The following GLMN variants were observed in gnomAD, a reference collection of about 807,000 sequenced individuals.
GLMN encodes glomulin.
GLMN carries 75 observed loss-of-function variants against 87.8 expected under a neutral mutation model. The ratio of observed to expected loss-of-function variants is 0.85; its 90% confidence interval spans 0.71 to 1.04. The LOEUF (loss-of-function observed/expected upper bound fraction) is 1.04. GLMN is among the 50% of genes least tolerant of loss of function. The pLI is 0.00. For synonymous variants in GLMN, 206 were observed against 221.6 expected, an observed-to-expected ratio of 0.93 and a Z score of 0.63; for missense variants, 588 against 658.8, an observed-to-expected ratio of 0.89 and a Z score of 1.18.
the GLMN span, among the ~76,000 whole-genome samples, chr1:92,365,573 T>C: frequency 6.6e-6 from 1 of 152,192 alleles, no homozygotes; most frequent in Non-Finnish European, 1.5e-5. Context: ...ATCAGTTGAC[T>C]TAGCTGCATA....
intron 7 of GLMN, among the ~76,000 whole-genome samples, chr1:92,280,399 AAC>A (rs1647882772): frequency 6.6e-6 from 1 of 152,208 alleles, no homozygotes; most frequent in Non-Finnish European, 1.5e-5. Context: ...AAAACTAACA[AAC>A]AGAAAGGAAT....
At chr1:92,249,160 GTA>G (rs1653095207) in intron 16 of GLMN, among the ~76,000 whole-genome samples, 1 of 151,464 alleles carries the variant, frequency 6.6e-6, no homozygotes, top group Non-Finnish European at 1.5e-5. Flanking sequence ...GATTCTTTTA[GTA>G]TGATCTCATT....
At chr1:92,261,750 A>G (rs1655066406) in intron 16 of GLMN, among the ~76,000 whole-genome samples, 1 of 152,234 alleles carries the variant, frequency 6.6e-6, no homozygotes, top group Admixed American at 6.5e-5. Flanking sequence ...AATGAAATAC[A>G]TGCTGAAATA....
the GLMN span, among the ~76,000 whole-genome samples, chr1:92,329,140 G>A: frequency 2.0e-5 from 3 of 152,194 alleles, no homozygotes; most frequent in Non-Finnish European, 4.4e-5. Context: ...GTGCTTTCAA[G>A]AGTGCATCAG....
At chr1:92,297,291 T>C in intron 3 of GLMN, 113 bp downstream of exon 3, 2 of 1,395,728 alleles carry the variant, frequency 1.4e-6, no homozygotes, top group Non-Finnish European at 2.0e-6. Flanking sequence ...AGTTCCCTAC[T>C]GTGAAAATTT....
chr1:92,293,630 C>T (rs536269103), intron 3 of GLMN, among the ~76,000 whole-genome samples: 45 of 152,262 alleles, frequency 3.0e-4, no homozygotes, highest in Middle Eastern at 6.8e-3. Context: ...GAAAGGATAT[C>T]ACTATATTGA....
chr1:92,322,807 G>A, the GLMN span, among the ~76,000 whole-genome samples: 1 of 151,466 alleles, frequency 6.6e-6, no homozygotes, highest in Non-Finnish European at 1.5e-5. Flanking sequence ...AACCTAGGGG[G>A]CAGAGGTTGC....
the GLMN span, among the ~76,000 whole-genome samples, chr1:92,356,453 T>C: frequency 6.6e-6 from 1 of 152,106 alleles, no homozygotes; most frequent in African/African-American, 2.4e-5. Context: ...AATCTCTCTC[T>C]ATCACCCAGG....
chr1:92,350,839 G>A, the GLMN span, among the ~76,000 whole-genome samples: 4 of 152,144 alleles, frequency 2.6e-5, no homozygotes, highest in Admixed American at 1.3e-4. Flanking sequence ...GGCTGAGGCA[G>A]GAAAATCACT....
the GLMN span, among the ~76,000 whole-genome samples, chr1:92,305,687 A>G: frequency 8.5e-5 from 13 of 152,260 alleles, no homozygotes; most frequent in African/African-American, 2.9e-4. Flanking sequence ...ACTAATAGAA[A>G]AATTTACACA....
chr1:92,248,070 C>A, intron 16 of GLMN, 81 bp from the exon 17 acceptor site: 1 of 739,530 alleles, frequency 1.4e-6, no homozygotes, highest in Admixed American at 1.9e-5. Flanking sequence ...GCTCAAAAAA[C>A]AAAAATAAAT....
the GLMN span, among the ~76,000 whole-genome samples, chr1:92,367,970 C>T: frequency 2.0e-5 from 3 of 152,290 alleles, no homozygotes; most frequent in Middle Eastern, 6.8e-3. Flanking sequence ...TGTGCTATAT[C>T]ATTTTAGGAA....
At chr1:92,303,026 C>T (rs1650973781), upstream of GLMN, among the ~76,000 whole-genome samples, 3 of 152,114 alleles carry the variant, frequency 2.0e-5, no homozygotes, top group South Asian at 6.2e-4. Context: ...CAGCGAGACC[C>T]TGTCTAAATA....
the GLMN span, among the ~76,000 whole-genome samples, chr1:92,369,563 C>T: frequency 5.3e-5 from 8 of 152,152 alleles, no homozygotes; most frequent in African/African-American, 1.9e-4. Context: ...CCTCAGCCTT[C>T]CAATGCACTG....
chr1:92,312,810 C>CT, the GLMN span, among the ~76,000 whole-genome samples: 171 of 143,456 alleles, frequency 1.2e-3, no homozygotes, highest in African/African-American at 2.0e-3. Flanking sequence ...CCCAAATGTT[C>CT]TTTTTTTTTT....
At chr1:92,351,463 A>G in the GLMN span, among the ~76,000 whole-genome samples, 1 of 152,136 alleles carries the variant, frequency 6.6e-6, no homozygotes, top group African/African-American at 2.4e-5. Context: ...ATCACTTTTA[A>G]TCATGGTCAC....
the GLMN span, chr1:92,323,939 A>G: frequency 6.2e-7 from 1 of 1,614,174 alleles, no homozygotes; most frequent in East Asian, 2.2e-5. Flanking sequence ...TTTAAGAGAA[A>G]ATTTGCCAAA....
At chr1:92,251,692 GAAA>G in intron 16 of GLMN, among the ~76,000 whole-genome samples, 1 of 151,972 alleles carries the variant, frequency 6.6e-6, no homozygotes, top group East Asian at 1.9e-4. Flanking sequence ...TTGTATCCAT[GAAA>G]AACTTTCCTC....
At chr1:92,324,315 G>A in the GLMN span, 1 of 1,614,052 alleles carries the variant, frequency 6.2e-7, no homozygotes, top group Non-Finnish European at 8.5e-7. Context: ...GGATCAGGGA[G>A]TTTTACAGAG....
Sources: allele counts gnomAD v4.1 joint callset (sites outside exome capture counted in the v4.1 genomes callset), GRCh38; gene constraint gnomAD v4.1.1; transcripts MANE v1.5; gene names NCBI Gene and HGNC (gene_info 2026-07-23, HGNC 2026-07-21).